Variants in EIF4G1 observed in about 807,000 individuals in gnomAD.
The protein encoded by EIF4G1 is eukaryotic translation initiation factor 4 gamma 1, also known as EIF4-gamma.
EIF4G1 carries 4 observed loss-of-function variants against 187.8 expected under a neutral mutation model. The ratio of observed to expected loss-of-function variants is 0.02; its 90% CI spans 0.01 to 0.05. EIF4G1 has a LOEUF of 0.05. Among genes scored for constraint, EIF4G1 ranks in the 10% least tolerant of loss-of-function variants. The pLI, the probability that EIF4G1 is intolerant of heterozygous loss-of-function variation, is 1.00. For missense variants in EIF4G1, 1,647 were observed against 2,081.1 expected (o/e 0.79, Z 4.06); for synonymous variants, 844 against 781.4 (o/e 1.08, Z -1.34).
intron 21 of EIF4G1, among the ~76,000 whole-genome samples, 186 bp downstream of exon 21, chr3:184,326,137 AAC>A (rs34901174): frequency 0.27 from 39,727 of 146,296 alleles, 5,733 homozygotes; most frequent in Admixed American, 0.39. Flanking sequence ...GTGTTTGGCA[AAC>A]ACACACACAC....
In EIF4G1 at chr3:184,320,984, G is replaced by T. The variant is rs1313775125; in HGVS notation, c.688G>T (p.Val230Phe). 6.2e-7 allele frequency: 1 copy of T among 1,614,006 alleles called. No individual in the cohort carries two copies. The highest frequency in any genetic ancestry group is 2.2e-5 in the East Asian group (1 of 44,876). The change falls in exon 9 of 33, where the codon GTC becomes TTC. Residue 230 changes from valine to phenylalanine, a missense_variant. Coordinates refer to ENST00000346169, the MANE Select transcript of EIF4G1 (RefSeq NM_198241.3). ...GGAGACGCCCCAGGTTGCTGTCATTGTCCGGCCAGGTAAGTAAGCCGGTGG... is the reference window on the plus strand; with the variant it reads ...GGAGACGCCCCAGGTTGCTGTCATTTTCCGGCCAGGTAAGTAAGCCGGTGG... ...NGETPQVAVI[V>F]RPDDRSQGAI...
intron 9 of EIF4G1, 88 bp downstream of exon 9, chr3:184,321,081 A>T: frequency 1.9e-6 from 3 of 1,538,626 alleles, no homozygotes; most frequent in Non-Finnish European, 2.7e-6. Context: ...TGAACTGGGT[A>T]CCAGAGAATG....
In EIF4G1 at chr3:184,332,127, C is replaced by T. The variant is rs574152965; in HGVS notation, c.4618+41C>T. The T allele has an allele frequency of 5.0e-6, 8 of 1,613,954 alleles. No homozygotes were observed. The South Asian group carries it at 7.7e-5, about 16-fold the overall frequency. ...TGGGGACAGGGGTGGGGTGGAGGGACTGCCAGATAGCAGGGCATGAGACCC... is the reference window on the plus strand; with the variant it reads ...TGGGGACAGGGGTGGGGTGGAGGGATTGCCAGATAGCAGGGCATGAGACCC... On this transcript the variant is annotated intron_variant, in intron 32 of 32. Coordinates refer to ENST00000346169, the MANE Select transcript of EIF4G1 (RefSeq NM_198241.3).
intron 28 of EIF4G1, among the ~76,000 whole-genome samples, chr3:184,330,955 G>A (rs1352519025): frequency 5.3e-5 from 8 of 152,096 alleles, no homozygotes. Context: ...GGTCAGGCTG[G>A]TCTCCGACTC....
chr3:184,322,007 G>C lies in EIF4G1; in HGVS notation c.1423G>C (p.Glu475Gln). Reference protein sequence around the residue: ...EGEAGEAGEAESEKGGEELLP... With the variant: ...EGEAGEAGEAQSEKGGEELLP... Reference sequence around the variant, plus strand: ...AGAAGCAGGAGAAGCAGGAGAAGCTGAGAGTGAGAAAGGAGGAGAGGAACT... The same window carrying C: ...AGAAGCAGGAGAAGCAGGAGAAGCTCAGAGTGAGAAAGGAGGAGAGGAACT... The change falls in exon 10 of 33, where the codon GAG (glutamate) becomes CAG (glutamine). Residue 475 changes from glutamate to glutamine, a missense_variant. Transcript: ENST00000346169. The C allele has an allele frequency of 6.2e-7, 1 of 1,614,200 alleles. No individual in the cohort carries two copies. Among genetic ancestry groups the C allele is most frequent in the Non-Finnish European group, 8.5e-7 (1 of 1,180,044 alleles).
intron 28 of EIF4G1, 129 bp from the exon 29 acceptor site, chr3:184,331,136 AT>A: frequency 1.0e-6 from 1 of 985,614 alleles, no homozygotes; most frequent in Non-Finnish European, 1.6e-6. Context: ...TAGTATTTCT[AT>A]AGCATCCTTA....
intron 28 of EIF4G1, 136 bp from the exon 29 acceptor site, chr3:184,331,130 A>G (rs1322985069): frequency 1.1e-6 from 1 of 944,712 alleles, no homozygotes; most frequent in East Asian, 2.4e-5. Flanking sequence ...GCCTATTAGT[A>G]TTTCTATAGC....
At position 184,325,559 on chromosome 3, in the gene EIF4G1, A is replaced by G. The variant is rs542024156; in HGVS notation, c.3041A>G (p.His1014Arg). Residue 1014 changes from histidine to arginine, a missense_variant, in exon 20 of 33, where the codon CAT (histidine) becomes CGT (arginine). His to Arg is a conservative substitution (Grantham distance 29, BLOSUM62 0). Coordinates refer to ENST00000346169, the MANE Select transcript of EIF4G1 (RefSeq NM_198241.3). The surrounding 1 kb of genome is among the most constrained non-coding windows in gnomAD (Gnocchi z 5.2). ...CATAAGGAGGCTGAGATGGAAGAAC[A>G]TCGAGAGCACATCAAAGTGCAGCAG... is the stretch of plus-strand genomic sequence containing the variant. The part of the protein sequence containing the change: ...QIHKEAEMEE[H>R]REHIKVQQLM... 1 of 1,614,210 alleles carries G rather than the reference A, an allele frequency of 6.2e-7. No individual in the cohort carries two copies. The highest frequency in any genetic ancestry group is 1.1e-5 in the South Asian group (1 of 91,090).
intron 28 of EIF4G1, among the ~76,000 whole-genome samples, chr3:184,330,078 C>T (rs531905585): frequency 5.3e-5 from 8 of 152,306 alleles, no homozygotes; most frequent in South Asian, 2.1e-4. Context: ...ATAAGACATT[C>T]TTTATGCGCT....
chr3:184,335,222 A>G lies in EIF4G1; in HGVS notation c.*314A>G. On this transcript the variant is annotated 3_prime_UTR_variant, in exon 33 of 33. Transcript: ENST00000346169. ...CTGGGGTCCTTTTTTTTATTTTCTG[A>G]AAATCACTCTCGGGACTGCCGTCCT... is the stretch of plus-strand genomic sequence containing the variant. 1 of 356,214 alleles carries G rather than the reference A, an allele frequency of 2.8e-6. No individual in the cohort carries two copies. Among genetic ancestry groups the G allele is most frequent in the Admixed American group, 4.2e-5 (1 of 23,816 alleles). 22.1% of individuals were successfully genotyped at this position (356,214 alleles called of 1,614,324 possible).
At chr3:184,319,453 G>GTGTGTGTGTGTGTGTT (rs1723428116) in intron 6 of EIF4G1, among the ~76,000 whole-genome samples, 3 of 74,618 alleles carry the variant, frequency 4.0e-5, no homozygotes, top group African/African-American at 1.6e-4. Context: ...GTGTGTGTGT[G>GTGTGTGTGTGTGTGTT]TGTGTGTGTG....
Position 184,325,101 on chromosome 3 carries a change from T to C in EIF4G1, c.2843T>C (p.Phe948Ser). The C allele has an allele frequency of 3.7e-6, 6 of 1,614,088 alleles. No individual in the cohort carries two copies. The highest frequency in any genetic ancestry group is 5.1e-6 in the Non-Finnish European group (6 of 1,180,012). Residue 948 changes from phenylalanine (F) to serine (S), a missense_variant, in exon 18 of 33, where the codon TTT (phenylalanine) becomes TCT (serine). By Grantham distance (155) the Phe-to-Ser change is radical. Coordinates refer to ENST00000346169, the MANE Select transcript of EIF4G1 (RefSeq NM_198241.3). This position sits in a 1 kb window ranked among gnomAD's most constrained non-coding sequence, Gnocchi z 5.2. ...ACCACCATTGGCAAAGACCTGGACT[T>C]TGAAAAAGCCAAGGTAGAGGTCCTT... ...LLTTIGKDLD[F>S]EKAKPRMDQY...
At position 184,334,975 on chromosome 3, in the gene EIF4G1, GC is replaced by G; in HGVS notation, c.*68del. 6.3e-7 allele frequency: 1 copy of G among 1,597,922 alleles called. No homozygotes were observed. Among genetic ancestry groups the G allele is most frequent in the Non-Finnish European group, 8.5e-7 (1 of 1,170,358 alleles). ...GATGGCCCGGCTAGCCGCCTGGACT[GC>G]AGGGGGGCGGCAGCAGCGGCGGTGG... On this transcript the variant is annotated 3_prime_UTR_variant, in exon 33 of 33. Coordinates refer to ENST00000346169, the MANE Select transcript of EIF4G1 (RefSeq NM_198241.3). This position sits in a 1 kb window ranked among gnomAD's most constrained non-coding sequence, Gnocchi z 5.8.
At position 184,331,503 on chromosome 3, in the gene EIF4G1, A is replaced by G. The variant is rs1484728257; in HGVS notation, c.4292A>G (p.Glu1431Gly). ...GAGTATACCCTGGGAGAGGAGTCGG[A>G]AGCCCCTGGCCAGAGGGCACTCCCC... ...KVEYTLGEES[E>G]APGQRALPSE... is the part of the protein sequence containing the mutation. Residue 1431 changes from glutamate (E) to glycine (G), a missense_variant, in exon 30 of 33, where the codon GAA (glutamate) becomes GGA (glycine). Glu to Gly is a moderately conservative substitution (Grantham distance 98, BLOSUM62 -2). This residue lies in a region of EIF4G1 where 543 missense variants were observed against 638.0 expected (regional missense o/e 0.85). Coordinates refer to ENST00000346169, the MANE Select transcript of EIF4G1 (RefSeq NM_198241.3). The G allele has an allele frequency of 6.2e-7, 1 of 1,614,198 alleles. No homozygotes were observed. The highest frequency in any genetic ancestry group is 1.1e-5 in the South Asian group (1 of 91,080).
At chr3:184,317,205 G>A (rs1181217242) in intron 4 of EIF4G1, 116 bp from the exon 5 acceptor site, 35 of 1,235,472 alleles carry the variant, frequency 2.8e-5, no homozygotes, top group Admixed American at 5.1e-5. Flanking sequence ...AGGATTGGTC[G>A]CCATGTTCTG....
rs773314353 is a variant in EIF4G1 at position 184,323,905 on chromosome 3, C to T, written c.2400C>T (p.Leu800=). The change falls in exon 16 of 33, where the codon CTC becomes CTT. Residue 800 remains leucine, a synonymous_variant. Transcript: ENST00000346169. This position sits in a 1 kb window ranked among gnomAD's most constrained non-coding sequence, Gnocchi z 6.9. ...TEERLKGVID[L]IFEKAISEPN... is the part of the protein sequence containing the mutation. ...AACGCCTCAAAGGGGTCATTGACCT[C>T]ATTTTTGAGAAGGCCATTTCAGAGC... 3 of 1,614,226 alleles carry T rather than the reference C, an allele frequency of 1.9e-6. No individual in the cohort carries two copies. The highest frequency in any genetic ancestry group is 2.5e-6 in the Non-Finnish European group (3 of 1,180,052).
rs759565150 is a variant in EIF4G1 at position 184,324,128 on chromosome 3, G to A, written c.2473-73G>A. On this transcript the variant is annotated intron_variant, in intron 16 of 32. Coordinates refer to ENST00000346169, the MANE Select transcript of EIF4G1 (RefSeq NM_198241.3). ...GGGGCCAGAGATCTTCCTGGGTCAG[G>A]TAGTTAAAGGCTCTTGGAGGGCCTT... 744 of 1,610,412 alleles carry A rather than the reference G, an allele frequency of 4.6e-4. No individual in the cohort carries two copies. The Middle Eastern group carries it at 5.2e-3, about 11-fold the overall frequency.
In EIF4G1 at chr3:184,322,595, C is replaced by T. The variant is rs776283584; in HGVS notation, c.1660C>T (p.Pro554Ser). 3 of 1,614,168 alleles carry T rather than the reference C, an allele frequency of 1.9e-6. No homozygotes were observed. Among genetic ancestry groups the T allele is most frequent in the Non-Finnish European group, 2.5e-6 (3 of 1,180,042 alleles). ...VENQPPAGSN[P>S]GPESEGSGVP... Reference sequence around the variant, plus strand: ...AAATCAGCCTCCTGCAGGCAGCAATCCAGGCCCAGAGTCTGAGGGCAGTGG... The same window carrying T: ...AAATCAGCCTCCTGCAGGCAGCAATTCAGGCCCAGAGTCTGAGGGCAGTGG... Residue 554 changes from proline to serine, a missense_variant, in exon 12 of 33, where the codon CCA becomes TCA. Pro to Ser is a moderately conservative substitution (Grantham distance 74). Around this residue, in one of 11 missense-constraint regions of EIF4G1, gnomAD observed 522 missense variants for 485.2 expected, o/e 1.08. Coordinates refer to ENST00000346169, the MANE Select transcript of EIF4G1 (RefSeq NM_198241.3).
At position 184,323,310 on chromosome 3, in the gene EIF4G1, C is replaced by A; in HGVS notation, c.2088+69C>A. ...GTGGATGATTCCGTGTCTCAGTGCCCGCGGGGAGGGGTTTGCCCTGGAGGC... is the reference window on the plus strand; with the variant it reads ...GTGGATGATTCCGTGTCTCAGTGCCAGCGGGGAGGGGTTTGCCCTGGAGGC... On this transcript the variant is annotated intron_variant, in intron 14 of 32. Transcript: ENST00000346169. This position sits in a 1 kb window ranked among gnomAD's most constrained non-coding sequence, Gnocchi z 6.9. 6.2e-7 allele frequency: 1 copy of A among 1,611,488 alleles called. No homozygotes were observed. Among genetic ancestry groups the A allele is most frequent in the Admixed American group, 1.7e-5 (1 of 59,932 alleles).
Sources: gnomAD v4.1 joint callset for allele counts (sites outside exome capture counted in the v4.1 genomes callset) on GRCh38, gnomAD v4.1.1 for gene constraint, gnomAD v4.1.1 regional missense constraint, Gnocchi (gnomAD v3.1) non-coding constraint, MANE v1.5 for transcripts, NCBI Gene and HGNC (gene_info 2026-07-23, HGNC 2026-07-21) for gene names.